SMC2: variants seen among roughly 807,000 people sequenced by gnomAD.
SMC2 encodes structural maintenance of chromosomes 2, also known as structural maintenance of chromosomes protein 2.
Under a neutral mutation model 142.6 loss-of-function variants are expected in SMC2, and 41 were observed. That is an observed-to-expected ratio of 0.29 (90% CI 0.22 to 0.37). The LOEUF is 0.37. Ranked by LOEUF, SMC2 falls within the 10% of genes least tolerant of loss-of-function variation. The pLI is 1.00. For missense variants in SMC2, 1,265 were observed against 1,373.7 expected (o/e 0.92, Z 1.25); for synonymous variants, 463 against 457.5 (o/e 1.01, Z -0.15).
At chr9:104,118,022 C>T (rs1351043655) in intron 14 of SMC2, 149 bp from the exon 15 acceptor site, 1 of 585,602 alleles carries the variant, frequency 1.7e-6, no homozygotes, top group Non-Finnish European at 2.8e-6. Context: ...TTGAGTTTTA[C>T]ATAGCTTTTT....
intron 4 of SMC2, among the ~76,000 whole-genome samples, chr9:104,099,079 C>T (rs1432168150): frequency 6.6e-6 from 1 of 152,112 alleles, no homozygotes; most frequent in Non-Finnish European, 1.5e-5. Context: ...TACACACCTT[C>T]ATAGTTGAAA....
chr9:104,122,749 T>G (rs1263462384), intron 16 of SMC2, among the ~76,000 whole-genome samples: 2 of 152,212 alleles, frequency 1.3e-5, no homozygotes, highest in Non-Finnish European at 2.9e-5. Context: ...TTTGAAATTT[T>G]ATGTAATTGT....
In SMC2 at chr9:104,116,298, T is replaced by C; in HGVS notation, c.1770T>C (p.Thr590=). Residue 590 remains threonine, a synonymous_variant, in exon 14 of 25, where the codon ACT becomes ACC. Transcript: ENST00000374793. ...CAGCCAGATGTATTGCACCAGAAAC[T>C]CTGAGAGTTGCTCAGAATCTTGTAA... The part of the protein sequence containing the change: ...KISARCIAPE[T]LRVAQNLVGP... The C allele has an allele frequency of 6.2e-7, 1 of 1,607,092 alleles. No individual in the cohort carries two copies. The highest frequency in any genetic ancestry group is 8.5e-7 in the Non-Finnish European group (1 of 1,177,696).
chr9:104,096,214 G>T lies in SMC2; in HGVS notation c.235G>T (p.Val79Leu). 6.2e-7 allele frequency: 1 copy of T among 1,613,868 alleles called. No homozygotes were observed. Among genetic ancestry groups the T allele is most frequent in the Non-Finnish European group, 8.5e-7 (1 of 1,179,738 alleles). Residue 79 changes from valine to leucine, a missense_variant, in exon 3 of 25, where the codon GTG (valine) becomes TTG (leucine). Transcript: ENST00000374793. ...GCAGGCTGGTATTACCAAAGCCTCT[G>T]TGTCAATCACTTTTGATAATTCTGA... The part of the protein sequence containing the change: ...NGQAGITKAS[V>L]SITFDNSDKK...
chr9:104,138,854 A>C (rs1221210453), intron 24 of SMC2, among the ~76,000 whole-genome samples: 2 of 152,154 alleles, frequency 1.3e-5, no homozygotes, highest in Non-Finnish European at 2.9e-5. Context: ...CAAGAAAAAT[A>C]TCTCACTAGA....
intron 21 of SMC2, 60 bp downstream of exon 21, chr9:104,129,905 T>C: frequency 1.6e-6 from 2 of 1,235,802 alleles, no homozygotes; most frequent in Non-Finnish European, 2.4e-6. Context: ...TTGACAGCTC[T>C]GTATGACCTC....
chr9:104,109,836 A>G (rs934567536), intron 9 of SMC2, among the ~76,000 whole-genome samples: 1 of 152,214 alleles, frequency 6.6e-6, no homozygotes, highest in Non-Finnish European at 1.5e-5. Context: ...CATAAAATAT[A>G]CAAAAATCTA....
At chr9:104,136,569 A>C (rs774321367) in intron 23 of SMC2, among the ~76,000 whole-genome samples, 1 of 152,088 alleles carries the variant, frequency 6.6e-6, no homozygotes, top group Non-Finnish European at 1.5e-5. Flanking sequence ...CCAACATGGT[A>C]GTTAAACCCT....
upstream of SMC2, chr9:104,094,142 G>A (rs1830182094): frequency 5.3e-6 from 2 of 377,976 alleles, no homozygotes; most frequent in Non-Finnish European, 9.4e-6. Flanking sequence ...CCAGGCCCCT[G>A]CCGGGGAGTC....
chr9:104,094,479 T>C lies in SMC2; in HGVS notation c.-62+2T>C, dbSNP rs1830215380. The C allele has an allele frequency of 5.6e-6, 2 of 359,866 alleles. No individual in the cohort carries two copies. The highest frequency in any genetic ancestry group is 4.8e-5 in the Admixed American group (1 of 20,892). 22.3% of individuals were successfully genotyped at this position (359,866 alleles called of 1,614,324 possible). ...TCAAGCCCCTGGCCTGAGGCAGCGG[T>C]GAGGCGTGTGCGTGAGCACGGCCGG... On this transcript the variant is annotated splice_donor_variant, in intron 1 of 24. Coordinates refer to ENST00000374793, the MANE Select transcript of SMC2 (RefSeq NM_006444.3). LOFTEE classifies it low-confidence loss of function (5UTR_SPLICE).
intron 21 of SMC2, among the ~76,000 whole-genome samples, chr9:104,131,464 C>A (rs1298539780): frequency 6.6e-6 from 1 of 151,920 alleles, no homozygotes; most frequent in East Asian, 1.9e-4. Flanking sequence ...CACATGTATA[C>A]CTATGTAACA....
rs1022550612 is a variant in SMC2 at position 104,140,866 on chromosome 9, A to T, written c.*1551A>T. 6.6e-6 allele frequency: 1 copy of T among 152,244 alleles called. No homozygotes were observed. The highest frequency in any genetic ancestry group is 2.4e-5 in the African/African-American group (1 of 41,466). 9.4% of individuals were successfully genotyped at this position (152,244 alleles called of 1,614,324 possible). ...AATATTTCTGATTTAACAGTTAGTT[A>T]TTAAGTGGTACTTCATTGCTGTTTT... On this transcript the variant is annotated 3_prime_UTR_variant, in exon 25 of 25. Transcript: ENST00000374793.
rs1474235908 is a variant in SMC2 at position 104,122,965 on chromosome 9, C to A, written c.2133-143C>A. ...GGTGCCTCAGAAACTTGAAAGCCGT[C>A]AAAATTATTCCTGTAACCAGTAGCA... On this transcript the variant is annotated intron_variant, in intron 16 of 24. Coordinates refer to ENST00000374793, the MANE Select transcript of SMC2 (RefSeq NM_006444.3). 5.1e-6 allele frequency: 4 copies of A among 787,996 alleles called. No individual in the cohort carries two copies. In the African/African-American group the frequency reaches 5.4e-5, roughly 11 times the overall value. The allele number at this position is 787,996 out of a possible 1,614,324, so 48.8% of individuals were successfully genotyped here. A position where few individuals can be genotyped will look rare whatever the true frequency, so the allele number is the denominator to read the frequency against.
upstream of SMC2, chr9:104,093,035 C>G (rs568837902): frequency 6.6e-6 from 1 of 152,310 alleles, no homozygotes; most frequent in Admixed American, 6.5e-5. Flanking sequence ...GAAAGCACCC[C>G]TCCCTAGACA....
chr9:104,101,104 G>A (rs1003358715), intron 7 of SMC2, among the ~76,000 whole-genome samples: 6 of 151,982 alleles, frequency 3.9e-5, no homozygotes, highest in Non-Finnish European at 7.4e-5. Context: ...CACCCTGCTA[G>A]TTTATTTTTT....
chr9:104,109,329 A>G (rs1684723686), intron 9 of SMC2, among the ~76,000 whole-genome samples: 1 of 152,178 alleles, frequency 6.6e-6, no homozygotes. Context: ...GATTCTCACC[A>G]TTCTTTAAAT....
intron 20 of SMC2, 55 bp from the exon 21 acceptor site, chr9:104,129,590 A>G (rs1432603107): frequency 6.1e-6 from 8 of 1,321,880 alleles, no homozygotes; most frequent in African/African-American, 1.5e-5. Flanking sequence ...ACTGGCTTAT[A>G]CATATTGGTT....
chr9:104,088,965 T>C, the SMC2 span, among the ~76,000 whole-genome samples: 1 of 139,772 alleles, frequency 7.2e-6, no homozygotes, highest in Admixed American at 7.4e-5. Flanking sequence ...GGTTGTTGCA[T>C]AAGTTCACAA....
At chr9:104,126,049 T>G (rs1472534341) in intron 18 of SMC2, among the ~76,000 whole-genome samples, 1 of 152,182 alleles carries the variant, frequency 6.6e-6, no homozygotes, top group Non-Finnish European at 1.5e-5. Flanking sequence ...TGGCATTAGA[T>G]TCTCAGAGGA....
Sources: gnomAD v4.1 joint callset for allele counts (sites outside exome capture counted in the v4.1 genomes callset) on GRCh38, gnomAD v4.1.1 for gene constraint, MANE v1.5 for transcripts, NCBI Gene and HGNC (gene_info 2026-07-23, HGNC 2026-07-21) for gene names.